RGL1: variants seen among roughly 807,000 people sequenced by gnomAD.
RGL1 encodes the protein ral guanine nucleotide dissociation stimulator-like 1.
RGL1 carries 24 observed loss-of-function variants against 95.2 expected under a neutral mutation model. The observed-to-expected ratio is 0.25, with a 90% confidence interval of 0.18 to 0.35. RGL1 has a LOEUF of 0.35. RGL1 is among the 10% of genes least tolerant of loss of function. RGL1 has a pLI of 1.00. For synonymous variants in RGL1, 329 were observed against 344.9 expected, an observed-to-expected ratio of 0.95 and a Z score of 0.51; for missense variants, 715 against 936.3, an observed-to-expected ratio of 0.76 and a Z score of 3.08.
At chr1:183,898,889 C>G (rs1667857639) in intron 10 of RGL1, among the ~76,000 whole-genome samples, 1 of 152,148 alleles carries the variant, frequency 6.6e-6, no homozygotes, top group African/African-American at 2.4e-5. Context: ...CTGGCTTTAC[C>G]CTGTTTGAGG....
chr1:183,686,542 G>A (rs1653598177), intron 1 of RGL1, among the ~76,000 whole-genome samples: 1 of 152,026 alleles, frequency 6.6e-6, no homozygotes, highest in Non-Finnish European at 1.5e-5. Context: ...GATTTATTGG[G>A]CACTGGATGA....
At chr1:183,664,013 T>C (rs908993838) in intron 1 of RGL1, among the ~76,000 whole-genome samples, 1 of 132,474 alleles carries the variant, frequency 7.5e-6, no homozygotes, top group African/African-American at 2.9e-5. Flanking sequence ...AATTGAACAA[T>C]GAGAACACAT....
At chr1:183,722,043 A>C (rs1206049732) in intron 1 of RGL1, among the ~76,000 whole-genome samples, 1 of 152,190 alleles carries the variant, frequency 6.6e-6, no homozygotes, top group African/African-American at 2.4e-5. Flanking sequence ...GGAGTGAGGA[A>C]AGAAAGTCAA....
intron 1 of RGL1, among the ~76,000 whole-genome samples, chr1:183,689,061 A>T (rs555865467): frequency 6.6e-6 from 1 of 152,320 alleles, no homozygotes; most frequent in South Asian, 2.1e-4. Flanking sequence ...TTAAAATTGT[A>T]TTAAAAATAT....
intron 1 of RGL1, among the ~76,000 whole-genome samples, chr1:183,700,553 G>GT (rs34193140): frequency 0.45 from 63,555 of 140,786 alleles, 15,168 homozygotes; most frequent in East Asian, 0.76. Context: ...ATCTAGGTTT[G>GT]TTTTTTTTTT....
chr1:183,897,971 A>G, intron 10 of RGL1, 74 bp downstream of exon 10: 1 of 1,244,560 alleles, frequency 8.0e-7, no homozygotes, highest in Non-Finnish European at 1.2e-6. Context: ...CCCACATGGC[A>G]CTGGCACCTT....
intron 2 of RGL1, among the ~76,000 whole-genome samples, chr1:183,749,497 G>T (rs1023687212): frequency 1.3e-5 from 2 of 152,080 alleles, no homozygotes; most frequent in African/African-American, 4.8e-5. Flanking sequence ...ACACCTATAG[G>T]TCCTGACTCT....
intron 1 of RGL1, among the ~76,000 whole-genome samples, chr1:183,721,789 C>G (rs1656025740): frequency 6.6e-6 from 1 of 151,430 alleles, no homozygotes. Context: ...ATCACCTCCT[C>G]ATAGAGACCT....
intron 2 of RGL1, among the ~76,000 whole-genome samples, chr1:183,772,438 G>A (rs1268773641): frequency 6.6e-6 from 1 of 152,178 alleles, no homozygotes; most frequent in African/African-American, 2.4e-5. Context: ...CTTTAAGCGG[G>A]CAGAAATGAG....
chr1:183,745,802 A>G (rs1369777978), intron 2 of RGL1, among the ~76,000 whole-genome samples: 2 of 152,278 alleles, frequency 1.3e-5, no homozygotes, highest in East Asian at 3.9e-4. Flanking sequence ...ATGAAGAAAA[A>G]TTAAGCAGAA....
intron 2 of RGL1, among the ~76,000 whole-genome samples, chr1:183,815,939 G>A (rs573039144): frequency 5.3e-4 from 81 of 152,274 alleles, no homozygotes; most frequent in African/African-American, 1.5e-3. Context: ...GAAGCTTGGT[G>A]TTATATGTAA....
chr1:183,917,380 C>T (rs529295933), intron 16 of RGL1, among the ~76,000 whole-genome samples: 2 of 152,296 alleles, frequency 1.3e-5, no homozygotes, highest in South Asian at 4.2e-4. Flanking sequence ...TATGTGAGGT[C>T]TGGTAGGTTT....
rs114578498 is a variant in RGL1 at position 183,728,389 on chromosome 1, A to C, written c.-32-13737A>C. The stretch of plus-strand genomic sequence containing the variant: ...AATTCCATACATATATAGCCAATTT[A>C]TATACATATATAGTTGGTTCTGCTC... On this transcript the variant is annotated intron_variant, in intron 1 of 18. Coordinates refer to the RGL1 transcript ENST00000304685. Among the ~76,000 whole-genome samples the C allele has an allele frequency of 2.9e-3, 444 of 152,242 alleles. 5 individuals carry two copies. Among genetic ancestry groups the C allele is most frequent in the African/African-American group, 0.01 (425 of 41,554 alleles).
At chr1:183,643,552 A>G (rs1650084001) in intron 1 of RGL1, among the ~76,000 whole-genome samples, 1 of 152,074 alleles carries the variant, frequency 6.6e-6, no homozygotes, top group East Asian at 1.9e-4. Flanking sequence ...CGGCCTCCCA[A>G]AGTGCTGGGA....
intron 7 of RGL1, 79 bp downstream of exon 7, chr1:183,885,017 C>T (rs1283889960): frequency 7.8e-6 from 10 of 1,276,960 alleles, no homozygotes; most frequent in Non-Finnish European, 1.1e-5. Flanking sequence ...AATGGTTTAG[C>T]TGTTTGGTTG....
rs536119919 is a variant in RGL1, at chr1:183,776,834, T to G, written c.133-29541T>G. On this transcript the variant is annotated intron_variant, in intron 2 of 18. Coordinates refer to the RGL1 transcript ENST00000304685. ...TGGGGAGAGTTCATCCACAAAAACA[T>G]GACCCCCATCTGTCACTGTTAGCGA... 4.6e-5 allele frequency among the ~76,000 whole-genome samples: 7 copies of G among 152,324 alleles called. No homozygotes were observed. In the South Asian group the frequency reaches 1.4e-3, roughly 32 times the overall value.
chr1:183,886,049 T>A (rs1667091544), intron 7 of RGL1, among the ~76,000 whole-genome samples: 1 of 152,274 alleles, frequency 6.6e-6, no homozygotes, highest in Non-Finnish European at 1.5e-5. Context: ...CTGGGCTCTA[T>A]GGGTAAACTC....
chr1:183,659,132 C>T (rs910058348), intron 1 of RGL1, among the ~76,000 whole-genome samples: 10 of 152,212 alleles, frequency 6.6e-5, no homozygotes, highest in African/African-American at 2.4e-4. Context: ...AAACTGGAAA[C>T]TCTAAAAAGC....
chr1:183,727,185 A>T (rs1205522455), intron 1 of RGL1, among the ~76,000 whole-genome samples: 1 of 152,206 alleles, frequency 6.6e-6, no homozygotes, highest in Non-Finnish European at 1.5e-5. Context: ...TTATCCTAGG[A>T]ATACAAGGTT....
Sources: allele counts gnomAD v4.1 joint callset (sites outside exome capture counted in the v4.1 genomes callset), GRCh38; gene constraint gnomAD v4.1.1; transcripts MANE v1.5; gene names NCBI Gene and HGNC (gene_info 2026-07-23, HGNC 2026-07-21).